Variants in DKKL1 observed in about 807,000 individuals in gnomAD.
DKKL1 encodes dickkopf like acrosomal protein 1.
A neutral mutation model predicts 16.5 loss-of-function variants in DKKL1; 11 were observed. The ratio of observed to expected loss-of-function variants is 0.67; its 90% CI spans 0.42 to 1.10. The LOEUF is 1.10. Ranked by LOEUF, DKKL1 falls within the 50% of genes least tolerant of loss-of-function variation. The pLI is 0.00. For missense variants in DKKL1, 320 were observed against 308.1 expected (o/e 1.04, Z -0.29); for synonymous variants, 119 against 133.2 (o/e 0.89, Z 0.73).
chr19:49,374,016 GCT>G, intron 4 of DKKL1, among the ~76,000 whole-genome samples: 1 of 150,456 alleles, frequency 6.6e-6, no homozygotes, highest in East Asian at 2.0e-4. Context: ...ATGGAGTCTC[GCT>G]CTGTCACCCA....
chr19:49,373,618 C>T (rs113995400), intron 4 of DKKL1, among the ~76,000 whole-genome samples: 5,259 of 151,986 alleles, frequency 0.035, 283 homozygotes, highest in African/African-American at 0.12. Context: ...TACATGAGCG[C>T]GCCAGCACGC....
In DKKL1 at chr19:49,365,668, C is replaced by G; in HGVS notation, c.324+19C>G. 1 of 1,605,598 alleles carries G rather than the reference C, an allele frequency of 6.2e-7. No individual in the cohort carries two copies. Among genetic ancestry groups the G allele is most frequent in the Non-Finnish European group, 8.5e-7 (1 of 1,174,386 alleles). On this transcript the variant is annotated intron_variant, in intron 3 of 4. Transcript: ENST00000221498. ...CGACAAGGTGCCTATGCAGGGAAGCCCTTCCTGAAGTCCCCTTGGGATCCC... is the reference window on the plus strand; with the variant it reads ...CGACAAGGTGCCTATGCAGGGAAGCGCTTCCTGAAGTCCCCTTGGGATCCC...
In DKKL1 at chr19:49,364,588, C is replaced by CA. The variant is rs749317800; in HGVS notation, c.18dup (p.Pro7ThrfsTer29). 1.9e-6 allele frequency: 3 copies of CA among 1,610,204 alleles called. No homozygotes were observed. The highest frequency in any genetic ancestry group is 2.5e-6 in the Non-Finnish European group (3 of 1,178,780). On this transcript the variant is annotated frameshift_variant, in exon 2 of 5. Transcript: ENST00000221498. LOFTEE classifies it high-confidence loss of function. ...ACCCCGACCCTTGCCACAGCCTCCC[C>CA]ACCTGCCCCCGCAAGGCGGCATCTG...
At chr19:49,372,657 G>A in intron 4 of DKKL1, among the ~76,000 whole-genome samples, 1 of 148,484 alleles carries the variant, frequency 6.7e-6, no homozygotes, top group South Asian at 2.1e-4. Context: ...TCGTGCCACT[G>A]CACTCCAGCC....
At chr19:49,366,810 T>G (rs1973268459) in intron 4 of DKKL1, among the ~76,000 whole-genome samples, 1 of 151,076 alleles carries the variant, frequency 6.6e-6, no homozygotes, top group African/African-American at 2.4e-5. Flanking sequence ...CAGACTCAAA[T>G]GATCCTCCCA....
chr19:49,364,347 CAA>C (rs566267475), intron 1 of DKKL1, among the ~76,000 whole-genome samples: 8 of 76,768 alleles, frequency 1.0e-4, no homozygotes, highest in Non-Finnish European at 1.3e-4. Context: ...GTCTCGGTCT[CAA>C]AAAAAAAAAA....
Position 49,363,995 on chromosome 19 carries a change from G to A in DKKL1, c.-4G>A, listed in dbSNP as rs1273338789. 3 of 1,613,342 alleles carry A rather than the reference G, an allele frequency of 1.9e-6. No individual in the cohort carries two copies. The highest frequency in any genetic ancestry group is 1.3e-5 in the African/African-American group (1 of 74,934). On this transcript the variant is annotated 5_prime_UTR_variant, in exon 1 of 5. Coordinates refer to ENST00000221498, the MANE Select transcript of DKKL1 (RefSeq NM_014419.4). Reference sequence around the variant, plus strand: ...AAGGCGGAGCCCAGAAGAAGGGGCGGGGTATGGGAGAAGGTGAGGATTGAG... The same window carrying A: ...AAGGCGGAGCCCAGAAGAAGGGGCGAGGTATGGGAGAAGGTGAGGATTGAG...
rs368925440 is a variant in DKKL1, at chr19:49,375,053, C to A, written c.*25C>A. On this transcript the variant is annotated 3_prime_UTR_variant, in exon 5 of 5. Coordinates refer to ENST00000221498, the MANE Select transcript of DKKL1 (RefSeq NM_014419.4). Reference sequence around the variant, plus strand: ...GGGGTGGGGACCGGGGAGCACCTGCCTGTAGCCCCCATCAGACCCTGCCCC... The same window carrying A: ...GGGGTGGGGACCGGGGAGCACCTGCATGTAGCCCCCATCAGACCCTGCCCC... The A allele has an allele frequency of 1.3e-6, 2 of 1,573,620 alleles. No individual in the cohort carries two copies. Among genetic ancestry groups the A allele is most frequent in the Admixed American group, 1.8e-5 (1 of 55,562 alleles).
At chr19:49,365,004 A>C (rs1973194592) in intron 2 of DKKL1, among the ~76,000 whole-genome samples, 1 of 152,050 alleles carries the variant, frequency 6.6e-6, no homozygotes. Flanking sequence ...CCTCATCTGT[A>C]CAAAAAAATA....
upstream of DKKL1, among the ~76,000 whole-genome samples, chr19:49,362,919 G>GTTGTTGTTT (rs1568588572): frequency 7.7e-6 from 1 of 130,258 alleles, no homozygotes. Flanking sequence ...TGGTTTTTTT[G>GTTGTTGTTT]TTTTTTGTTT....
chr19:49,374,611 C>G, intron 4 of DKKL1, 106 bp from the exon 5 acceptor site: 1 of 1,091,912 alleles, frequency 9.2e-7, no homozygotes, highest in Non-Finnish European at 1.3e-6. Context: ...TTTGAACCCA[C>G]AAAGCATCCT....
At chr19:49,361,293 G>A (rs1216136065), upstream of DKKL1, 1 of 152,342 alleles carries the variant, frequency 6.6e-6, no homozygotes, top group Non-Finnish European at 1.5e-5. Flanking sequence ...CCCAGAGAGA[G>A]AGGGGACCAG....
chr19:49,374,543 A>T (rs73590184), intron 4 of DKKL1, among the ~76,000 whole-genome samples, 174 bp from the exon 5 acceptor site: 10 of 152,202 alleles, frequency 6.6e-5, no homozygotes, highest in Non-Finnish European at 1.0e-4. Flanking sequence ...TGTAAACCTC[A>T]GAGTATTTTT....
Position 49,365,774 on chromosome 19 carries a change from T to C in DKKL1, c.325-19T>C. 1.2e-6 allele frequency: 2 copies of C among 1,612,442 alleles called. No individual in the cohort carries two copies. The highest frequency in any genetic ancestry group is 1.1e-5 in the South Asian group (1 of 90,836). On this transcript the variant is annotated intron_variant, in intron 3 of 4. Transcript: ENST00000221498. Reference sequence around the variant, plus strand: ...GAGGAAAGCAGGTTTGCTCTCACTCTCTCATCGGATCCTCACAGATGACCG... The same window carrying C: ...GAGGAAAGCAGGTTTGCTCTCACTCCCTCATCGGATCCTCACAGATGACCG...
chr19:49,365,323 G>A (rs1248854240), intron 2 of DKKL1, among the ~76,000 whole-genome samples, 186 bp from the exon 3 acceptor site: 1 of 152,134 alleles, frequency 6.6e-6, no homozygotes, highest in Non-Finnish European at 1.5e-5. Flanking sequence ...ATGGGACTGA[G>A]AATAGAGAGA....
At chr19:49,364,904 C>A in intron 2 of DKKL1, 150 bp downstream of exon 2, 2 of 1,015,654 alleles carry the variant, frequency 2.0e-6, no homozygotes, top group Non-Finnish European at 2.8e-6. Context: ...GGACTGGGCC[C>A]AGGCTATAAT....
At chr19:49,366,870 G>A (rs1178375963) in intron 4 of DKKL1, among the ~76,000 whole-genome samples, 3 of 151,554 alleles carry the variant, frequency 2.0e-5, no homozygotes, top group Admixed American at 2.0e-4. Context: ...ACCACACCCA[G>A]CTAATTTTTC....
At position 49,374,706 on chromosome 19, in the gene DKKL1, T is replaced by C. The variant is rs1156370161; in HGVS notation, c.418-11T>C. 6.6e-7 allele frequency: 1 copy of C among 1,518,598 alleles called. No homozygotes were observed. The highest frequency in any genetic ancestry group is 2.3e-5 in the East Asian group (1 of 43,636). The allele number at this position is 1,518,598 out of a possible 1,614,324, so 94.1% of individuals were successfully genotyped here. On this transcript the variant is annotated splice_polypyrimidine_tract_variant and intron_variant, in intron 4 of 4. Coordinates refer to ENST00000221498, the MANE Select transcript of DKKL1 (RefSeq NM_014419.4). ...GGAGTATGAGAGGGTCTCCTTGTTC[T>C]TCCTCCCCAGGTACCCAGGATGGAG...
intron 4 of DKKL1, among the ~76,000 whole-genome samples, chr19:49,374,013 C>T (rs1973620569): frequency 6.6e-6 from 1 of 151,422 alleles, no homozygotes; most frequent in African/African-American, 2.4e-5. Flanking sequence ...GAGATGGAGT[C>T]TCGCTCTGTC....
Sources: gnomAD v4.1 joint callset for allele counts (sites outside exome capture counted in the v4.1 genomes callset) on GRCh38, gnomAD v4.1.1 for gene constraint, MANE v1.5 for transcripts, NCBI Gene and HGNC (gene_info 2026-07-23, HGNC 2026-07-21) for gene names.